Variants in EBF2 observed in about 807,000 individuals in gnomAD.
EBF2 encodes EBF transcription factor 2, also known as transcription factor COE2.
A neutral mutation model predicts 72.8 loss-of-function variants in EBF2; 21 were observed. That is an observed-to-expected ratio of 0.29 (90% CI 0.20 to 0.42). The LOEUF (loss-of-function observed/expected upper bound fraction) is 0.42, where lower values mean the gene tolerates loss of function less well. Among genes scored for constraint, EBF2 ranks in the 10% least tolerant of loss-of-function variants. EBF2 has a pLI of 1.00. For missense variants in EBF2, 637 were observed against 731.2 expected (o/e 0.87, Z 1.49); for synonymous variants, 299 against 274.2 (o/e 1.09, Z -0.89).
At chr8:25,932,827 T>C (rs1172208667) in intron 6 of EBF2, among the ~76,000 whole-genome samples, 2 of 152,146 alleles carry the variant, frequency 1.3e-5, no homozygotes, top group Non-Finnish European at 2.9e-5. Flanking sequence ...TGCCAGAATC[T>C]ACTGGCAAAA....
chr8:25,977,563 GGAA>G (rs959673686), intron 6 of EBF2, among the ~76,000 whole-genome samples: 11 of 152,164 alleles, frequency 7.2e-5, no homozygotes, highest in Non-Finnish European at 7.3e-5. Flanking sequence ...AGCAAGAAGA[GGAA>G]GAAGAAGAGA....
At chr8:25,928,981 G>A (rs958920013) in intron 6 of EBF2, among the ~76,000 whole-genome samples, 1 of 152,176 alleles carries the variant, frequency 6.6e-6, no homozygotes, top group African/African-American at 2.4e-5. Flanking sequence ...TGCTGACGCA[G>A]TGAGATGCCT....
At chr8:25,858,160 G>A (rs1449378086) in intron 14 of EBF2, 159 bp downstream of exon 14, 8 of 939,436 alleles carry the variant, frequency 8.5e-6, no homozygotes, top group Admixed American at 2.0e-5. Context: ...TCCAGCTAAG[G>A]GAAAAGAACG....
At position 26,014,699 on chromosome 8, in the gene EBF2, C is replaced by T. The variant is rs1025742727; in HGVS notation, c.551+18386G>A. ...ATGCCTGCAGTACATTCACCTTGTA[C>T]ACCTTATTTATAATCCTCTGTAAAT... On this transcript the variant is annotated intron_variant, in intron 6 of 15. Coordinates refer to ENST00000520164, the MANE Select transcript of EBF2 (RefSeq NM_022659.4). Among the ~76,000 whole-genome samples the T allele has an allele frequency of 1.1e-4, 17 of 152,198 alleles. 1 individual carries two copies. Among genetic ancestry groups the T allele is most frequent in the Admixed American group, 3.3e-4 (5 of 15,284 alleles).
At position 25,844,133 on chromosome 8, in the gene EBF2, AG is replaced by A. The variant is rs1312702251; in HGVS notation, c.*475del. 1.3e-5 allele frequency: 2 copies of A among 153,772 alleles called. No homozygotes were observed. Among genetic ancestry groups the A allele is most frequent in the African/African-American group, 4.8e-5 (2 of 41,582 alleles). The allele number at this position is 153,772 out of a possible 1,614,324, so 9.5% of individuals were successfully genotyped here. A position where few individuals can be genotyped will look rare whatever the true frequency, so the allele number is the denominator to read the frequency against. ...ATCATTCAATTCAGGTTGCGTTTTA[AG>A]AAAGTCTTCCGTGCTGGTACCCTGT... On this transcript the variant is annotated 3_prime_UTR_variant, in exon 16 of 16. Transcript: ENST00000520164.
chr8:25,896,506 T>C (rs1344289580), intron 7 of EBF2, among the ~76,000 whole-genome samples: 1 of 152,244 alleles, frequency 6.6e-6, no homozygotes, highest in Non-Finnish European at 1.5e-5. Context: ...AAATTCTTTA[T>C]GACATTTTAC....
intron 6 of EBF2, among the ~76,000 whole-genome samples, chr8:25,917,779 G>A (rs1003869307): frequency 7.3e-5 from 11 of 151,006 alleles, no homozygotes; most frequent in Non-Finnish European, 1.5e-4. Context: ...CCCATTCTCT[G>A]CCCTCCCGGC....
At chr8:26,004,298 A>G (rs945987541) in intron 6 of EBF2, among the ~76,000 whole-genome samples, 4 of 152,172 alleles carry the variant, frequency 2.6e-5, no homozygotes, top group South Asian at 2.1e-4. Context: ...AAGAAAGATG[A>G]GCAGAGTAGA....
chr8:26,036,706 AG>A (rs1352767512), intron 5 of EBF2, among the ~76,000 whole-genome samples: 2 of 152,178 alleles, frequency 1.3e-5, no homozygotes, highest in Non-Finnish European at 2.9e-5. Flanking sequence ...GGAACAGCTA[AG>A]AAACCAGGTC....
At chr8:25,904,645 AG>A in intron 7 of EBF2, among the ~76,000 whole-genome samples, 1 of 152,334 alleles carries the variant, frequency 6.6e-6, no homozygotes, top group Admixed American at 6.5e-5. Flanking sequence ...TACATACTCT[AG>A]GAATTTCTGA....
intron 10 of EBF2, among the ~76,000 whole-genome samples, chr8:25,868,304 A>T (rs968064692): frequency 1.3e-5 from 2 of 152,202 alleles, no homozygotes; most frequent in African/African-American, 2.4e-5. Context: ...GAATTAATAC[A>T]TATTAGTTTT....
At chr8:25,861,502 C>G (rs1050792249) in intron 11 of EBF2, 128 bp from the exon 12 acceptor site, 26 of 971,146 alleles carry the variant, frequency 2.7e-5, no homozygotes, top group Non-Finnish European at 4.1e-5. Flanking sequence ...CCAAGAGGTC[C>G]TATATTTGGT....
At chr8:25,985,630 C>G (rs1804437537) in intron 6 of EBF2, among the ~76,000 whole-genome samples, 1 of 152,142 alleles carries the variant, frequency 6.6e-6, no homozygotes, top group African/African-American at 2.4e-5. Context: ...CTGACATTCA[C>G]TGAAAGATTA....
At chr8:26,012,147 T>C (rs1275962693) in intron 6 of EBF2, among the ~76,000 whole-genome samples, 2 of 152,202 alleles carry the variant, frequency 1.3e-5, no homozygotes, top group East Asian at 3.9e-4. Context: ...GTGTCACAGA[T>C]TTTTGTTAAA....
intron 6 of EBF2, among the ~76,000 whole-genome samples, chr8:25,949,832 C>T (rs537478191): frequency 3.7e-4 from 56 of 152,268 alleles, no homozygotes; most frequent in African/African-American, 1.3e-3. Context: ...ATAAACTTGG[C>T]CTACTTCACA....
At chr8:25,854,439 C>T (rs1319980192) in intron 14 of EBF2, among the ~76,000 whole-genome samples, 3 of 152,060 alleles carry the variant, frequency 2.0e-5, no homozygotes, top group East Asian at 3.9e-4. Flanking sequence ...TTTCCTTCCA[C>T]CCTCTCTTTC....
rs149554404 is a variant in EBF2 at position 25,902,095 on chromosome 8, G to C, written c.633+6379C>G. ...GAATAGACCCAGCCATCCTATCTATGACAGTGAATTAGCAACAATAAGCTC... is the reference window on the plus strand; with the variant it reads ...GAATAGACCCAGCCATCCTATCTATCACAGTGAATTAGCAACAATAAGCTC... On this transcript the variant is annotated intron_variant, in intron 7 of 15. Coordinates refer to ENST00000520164, the MANE Select transcript of EBF2 (RefSeq NM_022659.4). Among the ~76,000 whole-genome samples the C allele has an allele frequency of 6.8e-3, 1,032 of 152,268 alleles. 16 individuals carry two copies. The highest frequency in any genetic ancestry group is 0.024 in the African/African-American group (990 of 41,548).
At chr8:25,901,075 A>G (rs999998240) in intron 7 of EBF2, among the ~76,000 whole-genome samples, 1 of 152,170 alleles carries the variant, frequency 6.6e-6, no homozygotes, top group African/African-American at 2.4e-5. Flanking sequence ...AATGCATGCA[A>G]CAAAATATTG....
At chr8:25,939,896 A>G (rs940448661) in intron 6 of EBF2, among the ~76,000 whole-genome samples, 5 of 152,208 alleles carry the variant, frequency 3.3e-5, no homozygotes, top group Admixed American at 6.5e-5. Flanking sequence ...AAAACCTGTG[A>G]AAGTATGATA....
Sources: gnomAD v4.1 joint callset for allele counts (sites outside exome capture counted in the v4.1 genomes callset) on GRCh38, gnomAD v4.1.1 for gene constraint, MANE v1.5 for transcripts, NCBI Gene and HGNC (gene_info 2026-07-23, HGNC 2026-07-21) for gene names.